The following PAIP2B variants were observed in gnomAD, a reference collection of about 807,000 sequenced individuals.
The protein encoded by PAIP2B is poly(A) binding protein interacting protein 2B, also known as polyadenylate-binding protein-interacting protein 2B.
Under a neutral mutation model 17.0 loss-of-function variants are expected in PAIP2B, and 13 were observed. The ratio of observed to expected loss-of-function variants is 0.76; its 90% CI spans 0.50 to 1.22. PAIP2B has a LOEUF of 1.22. Ranked by LOEUF, PAIP2B falls within the 50% of genes most tolerant of loss-of-function variation. The pLI is 0.00. For missense variants in PAIP2B, 117 were observed against 144.5 expected (o/e 0.81, Z 0.98); for synonymous variants, 43 against 48.7 (o/e 0.88, Z 0.48).
chr2:71,195,295 G>A (rs547096597), intron 2 of PAIP2B, among the ~76,000 whole-genome samples: 13 of 152,300 alleles, frequency 8.5e-5, no homozygotes, highest in African/African-American at 2.9e-4. Context: ...CTGTAGGAAT[G>A]GTACCAGCTC....
chr2:71,211,574 A>G (rs981342553), intron 1 of PAIP2B, among the ~76,000 whole-genome samples: 3 of 150,658 alleles, frequency 2.0e-5, no homozygotes, highest in African/African-American at 7.4e-5. Flanking sequence ...CTAGTGTTCT[A>G]CAAACTACAG....
chr2:71,217,321 G>C (rs2103819417), intron 1 of PAIP2B, among the ~76,000 whole-genome samples: 1 of 152,212 alleles, frequency 6.6e-6, no homozygotes, highest in South Asian at 2.1e-4. Flanking sequence ...TTTTAGTAGA[G>C]ACAAGGTTTC....
chr2:71,184,237 T>A lies in PAIP2B; in HGVS notation c.*4242A>T, dbSNP rs1282923212. The A allele has an allele frequency of 1.3e-5, 2 of 152,296 alleles. No individual in the cohort carries two copies. The highest frequency in any genetic ancestry group is 3.4e-3 in the Middle Eastern group (1 of 294). The allele number at this position is 152,296 out of a possible 1,614,324, so 9.4% of individuals were successfully genotyped here. ...ACAAAAGAGACTCCTAGTAACACAATCTGAGGGAGCTTTTTCTTTTGAAAT... is the reference window on the plus strand; with the variant it reads ...ACAAAAGAGACTCCTAGTAACACAAACTGAGGGAGCTTTTTCTTTTGAAAT... On this transcript the variant is annotated 3_prime_UTR_variant, in exon 4 of 4. Transcript: ENST00000244221.
chr2:71,196,292 T>C (rs1674816099), intron 2 of PAIP2B, among the ~76,000 whole-genome samples: 1 of 152,216 alleles, frequency 6.6e-6, no homozygotes, highest in African/African-American at 2.4e-5. Context: ...TTCAGGAGTA[T>C]GTTGTCTAAT....
intron 1 of PAIP2B, among the ~76,000 whole-genome samples, chr2:71,212,043 CTATT>C (rs1231734240): frequency 6.6e-6 from 1 of 152,084 alleles, no homozygotes; most frequent in African/African-American, 2.4e-5. Flanking sequence ...AAGATATAGA[CTATT>C]AATGGGGGAA....
At chr2:71,212,930 T>C (rs944377962) in intron 1 of PAIP2B, among the ~76,000 whole-genome samples, 1 of 142,244 alleles carries the variant, frequency 7.0e-6, no homozygotes, top group Non-Finnish European at 1.5e-5. Context: ...AATTTTTTTT[T>C]TTTTTAGAGA....
chr2:71,203,794 T>C (rs1229605028), intron 1 of PAIP2B, among the ~76,000 whole-genome samples: 1 of 151,572 alleles, frequency 6.6e-6, no homozygotes, highest in Non-Finnish European at 1.5e-5. Flanking sequence ...TATATTTAAT[T>C]TTTTATGGCA....
rs1372914282 is a variant in PAIP2B, at chr2:71,188,535, T to C, written c.316A>G (p.Ser106Gly). 1.2e-6 allele frequency: 2 copies of C among 1,605,842 alleles called. No homozygotes were observed. The highest frequency in any genetic ancestry group is 1.3e-5 in the African/African-American group (1 of 74,962). The change falls in exon 4 of 4, where the codon AGC becomes GGC. Residue 106 changes from serine (S) to glycine (G), a missense_variant and splice_region_variant. Transcript: ENST00000244221. ...GCATCTGGGTTCAGGTTACTTTTGC[T>C]CTGAAATAAGAACCAAGAGATAGTA... is the stretch of plus-strand genomic sequence containing the variant. ...SEGHDSEDIL[S>G]KSNLNPDAKE...
chr2:71,194,737 TG>T (rs1190690273), intron 2 of PAIP2B, among the ~76,000 whole-genome samples: 12 of 152,232 alleles, frequency 7.9e-5, no homozygotes, highest in Admixed American at 7.9e-4. Context: ...CTTGCCTGAT[TG>T]CTCCAGCTAG....
chr2:71,219,082 A>ATTTTTTTTTTTT (rs568552077), intron 1 of PAIP2B, among the ~76,000 whole-genome samples: 148 of 113,948 alleles, frequency 1.3e-3, no homozygotes, highest in African/African-American at 4.5e-3. Flanking sequence ...CGCCTAGCTA[A>ATTTTTTTTTTTT]TTTTTTTTTT....
intron 2 of PAIP2B, among the ~76,000 whole-genome samples, chr2:71,193,693 T>C (rs992807586): frequency 1.3e-5 from 2 of 152,002 alleles, no homozygotes; most frequent in Non-Finnish European, 2.9e-5. Flanking sequence ...CTCTGCTAAA[T>C]AATACAAAAA....
At chr2:71,194,525 G>C (rs1271774564) in intron 2 of PAIP2B, among the ~76,000 whole-genome samples, 3 of 150,796 alleles carry the variant, frequency 2.0e-5, no homozygotes, top group Non-Finnish European at 4.4e-5. Flanking sequence ...TTTCTGATTT[G>C]GCTCTCAGTT....
At chr2:71,202,663 AACAT>A in intron 1 of PAIP2B, 63 bp from the exon 2 acceptor site, 1 of 1,373,320 alleles carries the variant, frequency 7.3e-7, no homozygotes, top group Non-Finnish European at 1.0e-6. Context: ...AGAGACCTAA[AACAT>A]GCAGATTCTG....
At chr2:71,192,633 T>G (rs59319630) in intron 2 of PAIP2B, among the ~76,000 whole-genome samples, 2,395 of 151,856 alleles carry the variant, frequency 0.016, 71 homozygotes, top group African/African-American at 0.056. Context: ...CTGTTGTTCC[T>G]TGTGTTCATA....
chr2:71,219,209 C>T lies in PAIP2B; in HGVS notation c.-12+7719G>A, dbSNP rs886228520. Reference sequence around the variant, plus strand: ...CCTCCCAAAGTGCTGGGATTACAGGCGTGAGCCACCGCGCCCAGCCTAAGG... The same window carrying T: ...CCTCCCAAAGTGCTGGGATTACAGGTGTGAGCCACCGCGCCCAGCCTAAGG... On this transcript the variant is annotated intron_variant, in intron 1 of 3. Coordinates refer to ENST00000244221, the MANE Select transcript of PAIP2B (RefSeq NM_020459.1). Among the ~76,000 whole-genome samples, 28 of 151,394 alleles carry T rather than the reference C, an allele frequency of 1.8e-4. No homozygotes were observed. In the Middle Eastern group the frequency reaches 0.01, roughly 56 times the overall value.
intron 1 of PAIP2B, among the ~76,000 whole-genome samples, chr2:71,221,276 G>A (rs1376840749): frequency 1.3e-5 from 2 of 152,196 alleles, no homozygotes; most frequent in East Asian, 3.8e-4. Context: ...CAGCACATAA[G>A]TAAACTTCAC....
At chr2:71,221,721 A>T (rs79259758) in intron 1 of PAIP2B, among the ~76,000 whole-genome samples, 3,279 of 152,276 alleles carry the variant, frequency 0.022, 125 homozygotes, top group African/African-American at 0.074. Flanking sequence ...GAAACTCTCC[A>T]AAGGGTTCTT....
intron 1 of PAIP2B, among the ~76,000 whole-genome samples, chr2:71,207,228 G>A (rs1017233663): frequency 1.3e-5 from 2 of 152,164 alleles, no homozygotes; most frequent in African/African-American, 4.8e-5. Flanking sequence ...GTTCAGAAAG[G>A]TTTCCCTGAG....
At chr2:71,195,671 C>T (rs147889744) in intron 2 of PAIP2B, among the ~76,000 whole-genome samples, 2 of 152,274 alleles carry the variant, frequency 1.3e-5, no homozygotes, top group East Asian at 3.9e-4. Flanking sequence ...TGAAGTCTCG[C>T]TCTGTCACCC....
Sources: allele counts gnomAD v4.1 joint callset (sites outside exome capture counted in the v4.1 genomes callset), GRCh38; gene constraint gnomAD v4.1.1; transcripts MANE v1.5; gene names NCBI Gene and HGNC (gene_info 2026-07-23, HGNC 2026-07-21).